The following MYL1 variants were observed in gnomAD, a reference collection of about 807,000 sequenced individuals.
The protein encoded by MYL1 is myosin light chain 1/3, skeletal muscle isoform.
MYL1 carries 16 observed loss-of-function variants against 21.8 expected under a neutral mutation model. The ratio of observed to expected loss-of-function variants is 0.74; its 90% CI spans 0.50 to 1.12. The LOEUF is 1.12. Ranked by LOEUF, MYL1 falls within the 50% of genes most tolerant of loss-of-function variation. The pLI is 0.00. For missense variants in MYL1, 246 were observed against 241.0 expected (o/e 1.02, Z -0.14); for synonymous variants, 99 against 85.2 (o/e 1.16, Z -0.89).
intron 1 of MYL1, among the ~76,000 whole-genome samples, chr2:210,309,231 T>C (rs538939148): frequency 2.0e-5 from 3 of 152,172 alleles, no homozygotes; most frequent in Non-Finnish European, 4.4e-5. Context: ...AAAGGAAGGA[T>C]GCCTAAAAAT....
At chr2:210,292,666 G>T (rs1327994795) in intron 5 of MYL1, among the ~76,000 whole-genome samples, 2 of 151,862 alleles carry the variant, frequency 1.3e-5, no homozygotes, top group African/African-American at 2.4e-5. Flanking sequence ...ATGCCGTCTG[G>T]TTTTTGTGTC....
intron 1 of MYL1, chr2:210,303,512 A>G (rs1034179305): frequency 1.2e-6 from 2 of 1,602,562 alleles, no homozygotes; most frequent in Non-Finnish European, 1.7e-6. Context: ...TTCTCCTATA[A>G]ATGACAAATT....
chr2:210,298,392 A>G (rs1452398157), intron 3 of MYL1, 28 bp downstream of exon 3: 2 of 1,612,754 alleles, frequency 1.2e-6, no homozygotes, highest in Admixed American at 1.7e-5. Context: ...CTATACTTCC[A>G]CACTTCTTGG....
chr2:210,294,350 C>T lies in MYL1; in HGVS notation c.373G>A (p.Asp125Asn), dbSNP rs1209557522. ...ACAAAGTCTTCATAGGTGGCCTGGT[C>T]CTTGTTGTTGGAAATGGCTTGCATC... ...PMMQAISNNK[D>N]QATYEDFVEG... The change falls in exon 4 of 7, where the codon GAC becomes AAC. Residue 125 changes from aspartate to asparagine, a missense_variant. Asp to Asn is a conservative substitution (Grantham distance 23, BLOSUM62 1). Transcript: ENST00000352451. 2 of 1,613,982 alleles carry T rather than the reference C, an allele frequency of 1.2e-6. No homozygotes were observed. The highest frequency in any genetic ancestry group is 1.7e-6 in the Non-Finnish European group (2 of 1,179,938).
rs77048980 is a variant in MYL1, at chr2:210,313,997, A to G, written c.132+914T>C. The stretch of plus-strand genomic sequence containing the variant: ...TAGATAAAAATTTTCAAGTTGTAAT[A>G]TGAGCCAATCAGAACTCAGTGAATG... On this transcript the variant is annotated intron_variant, in intron 1 of 6. Transcript: ENST00000352451. 5.1e-3 allele frequency among the ~76,000 whole-genome samples: 773 copies of G among 152,248 alleles called. 3 individuals are homozygous for G. The highest frequency in any genetic ancestry group is 0.018 in the African/African-American group (738 of 41,564).
chr2:210,295,656 A>G (rs974778529), intron 3 of MYL1, among the ~76,000 whole-genome samples: 3 of 151,788 alleles, frequency 2.0e-5, no homozygotes, highest in Admixed American at 1.3e-4. Context: ...AAATAAATCA[A>G]TTAAAAAAAT....
Position 210,306,936 on chromosome 2 carries a change from A to G in MYL1, c.133-4421T>C, listed in dbSNP as rs142766087. On this transcript the variant is annotated intron_variant, in intron 1 of 6. Transcript: ENST00000352451. ...AACAAAGGTAAATTAATTGTATAAT[A>G]TGAATACACAATGTCAGCTGGTTTT... is the stretch of plus-strand genomic sequence containing the variant. Among the ~76,000 whole-genome samples, 613 of 152,128 alleles carry G rather than the reference A, an allele frequency of 4.0e-3. 6 individuals are homozygous for G. Among genetic ancestry groups the G allele is most frequent in the African/African-American group, 0.014 (595 of 41,408 alleles).
At chr2:210,314,034 C>G (rs1192226918) in intron 1 of MYL1, among the ~76,000 whole-genome samples, 1 of 152,046 alleles carries the variant, frequency 6.6e-6, no homozygotes, top group Non-Finnish European at 1.5e-5. Context: ...AGAGAAGGTG[C>G]ACATTTAATG....
intron 1 of MYL1, among the ~76,000 whole-genome samples, chr2:210,310,308 G>T (rs962295924): frequency 3.3e-5 from 5 of 151,986 alleles, no homozygotes; most frequent in Non-Finnish European, 5.9e-5. Flanking sequence ...AGTAGTTAGG[G>T]TTAAGGTTTT....
At chr2:210,306,062 A>C (rs1026603088) in intron 1 of MYL1, among the ~76,000 whole-genome samples, 6 of 114,504 alleles carry the variant, frequency 5.2e-5, no homozygotes, top group Admixed American at 9.6e-5. Context: ...CTCCCTCACA[A>C]AAAAAAAATA....
At chr2:210,304,646 G>A (rs75714216) in intron 1 of MYL1, among the ~76,000 whole-genome samples, 1 of 152,198 alleles carries the variant, frequency 6.6e-6, no homozygotes. Flanking sequence ...GGGCTCAAGT[G>A]ATCTTCCCAC....
intron 3 of MYL1, 58 bp from the exon 4 acceptor site, chr2:210,294,476 C>CA: frequency 6.7e-7 from 1 of 1,485,040 alleles, no homozygotes; most frequent in South Asian, 1.3e-5. Context: ...CTCTGAGTCA[C>CA]AATTTAAACT....
At chr2:210,300,422 G>A (rs1159302245) in intron 2 of MYL1, among the ~76,000 whole-genome samples, 3 of 152,104 alleles carry the variant, frequency 2.0e-5, no homozygotes, top group Admixed American at 6.6e-5. Context: ...TTCGGATACA[G>A]CCATTCCCAT....
rs1305606993 is a variant in MYL1, at chr2:210,298,289, A to G, written c.304+131T>C. 8.5e-6 allele frequency: 9 copies of G among 1,058,314 alleles called. No homozygotes were observed. In the East Asian group the frequency reaches 2.0e-4, roughly 23 times the overall value. 65.6% of individuals were successfully genotyped at this position (1,058,314 alleles called of 1,614,324 possible). On this transcript the variant is annotated intron_variant, in intron 3 of 6. Coordinates refer to ENST00000352451, the MANE Select transcript of MYL1 (RefSeq NM_079420.3). The stretch of plus-strand genomic sequence containing the variant: ...GCCCTATTATGTGAAACATTTTTAA[A>G]TCAATCTTTCTCTCTCTCACACACA...
At position 210,302,648 on chromosome 2, in the gene MYL1, G is replaced by A. The variant is rs955989973; in HGVS notation, c.133-133C>T. The A allele has an allele frequency of 3.4e-6, 5 of 1,487,194 alleles. No individual in the cohort carries two copies. In the African/African-American group the frequency reaches 5.6e-5, roughly 17 times the overall value. 92.1% of individuals were successfully genotyped at this position (1,487,194 alleles called of 1,614,324 possible). ...AAGTCAGCCTACTTTTCAGAGTTCA[G>A]GCGTAGCTTGGACACTAACAGGTTA... On this transcript the variant is annotated intron_variant, in intron 1 of 6. Coordinates refer to ENST00000352451, the MANE Select transcript of MYL1 (RefSeq NM_079420.3).
At chr2:210,294,542 G>C (rs1193002312) in intron 3 of MYL1, 124 bp from the exon 4 acceptor site, 2 of 834,426 alleles carry the variant, frequency 2.4e-6, no homozygotes, top group African/African-American at 1.7e-5. Flanking sequence ...ATTTCAGCTG[G>C]TAAATTGCTA....
intron 1 of MYL1, among the ~76,000 whole-genome samples, chr2:210,306,070 AT>A (rs977917760): frequency 2.8e-4 from 29 of 104,670 alleles, no homozygotes; most frequent in Non-Finnish European, 5.2e-4. Context: ...CAAAAAAAAA[AT>A]AAATTAAAAA....
intron 1 of MYL1, among the ~76,000 whole-genome samples, chr2:210,306,519 C>T (rs1298299244): frequency 2.0e-5 from 3 of 152,146 alleles, no homozygotes; most frequent in Non-Finnish European, 4.4e-5. Context: ...AGTCTTTCTC[C>T]ATACCTTTAT....
At chr2:210,295,504 G>T (rs1180991081) in intron 3 of MYL1, among the ~76,000 whole-genome samples, 1 of 151,958 alleles carries the variant, frequency 6.6e-6, no homozygotes, top group African/African-American at 2.4e-5. Context: ...AAAAGGCCAG[G>T]CATGGTGATA....
Sources: gnomAD v4.1 joint callset for allele counts (sites outside exome capture counted in the v4.1 genomes callset) on GRCh38, gnomAD v4.1.1 for gene constraint, MANE v1.5 for transcripts, NCBI Gene and HGNC (gene_info 2026-07-23, HGNC 2026-07-21) for gene names.